Variants in GRM5 observed in about 807,000 individuals in gnomAD.
GRM5 encodes metabotropic glutamate receptor 5.
A neutral mutation model predicts 83.1 loss-of-function variants in GRM5; 19 were observed. That is an observed-to-expected ratio of 0.23 (90% CI 0.16 to 0.34). The LOEUF is 0.34. Ranked by LOEUF, GRM5 falls within the 10% of genes least tolerant of loss-of-function variation. The pLI is 1.00. For synonymous variants in GRM5, 675 were observed against 633.6 expected, an observed-to-expected ratio of 1.07 and a Z score of -0.98; for missense variants, 1,160 against 1,588.3, an observed-to-expected ratio of 0.73 and a Z score of 4.58.
chr11:89,020,675 T>C (rs761250526), intron 2 of GRM5, among the ~76,000 whole-genome samples: 11 of 152,236 alleles, frequency 7.2e-5, no homozygotes, highest in Non-Finnish European at 1.6e-4. Context: ...TTCATGCCTA[T>C]CTGGTTTTTG....
intron 2 of GRM5, among the ~76,000 whole-genome samples, chr11:89,022,117 ACATTTT>A (rs1213227060): frequency 6.6e-6 from 1 of 152,194 alleles, no homozygotes; most frequent in Non-Finnish European, 1.5e-5. Flanking sequence ...TATTCCATTT[ACATTTT>A]AACTAAACAC....
intron 2 of GRM5, among the ~76,000 whole-genome samples, chr11:88,888,073 C>T (rs138490074): frequency 0.019 from 2,834 of 152,256 alleles, 119 homozygotes; most frequent in Admixed American, 0.11. Context: ...ATTCCATCAC[C>T]TTCTCACTTA....
intron 3 of GRM5, among the ~76,000 whole-genome samples, chr11:88,848,262 C>T (rs1944331226): frequency 6.6e-6 from 1 of 152,128 alleles, no homozygotes; most frequent in Non-Finnish European, 1.5e-5. Context: ...AGGAATCTCA[C>T]TCAATATCAT....
At chr11:88,848,945 C>A (rs989860926) in intron 3 of GRM5, among the ~76,000 whole-genome samples, 1 of 152,154 alleles carries the variant, frequency 6.6e-6, no homozygotes, top group East Asian at 1.9e-4. Context: ...ATGAGATGGA[C>A]ATCGGTCTTT....
In GRM5 at chr11:88,994,623, A is replaced by AC. The variant is rs1169289714; in HGVS notation, c.661+52588_661+52589insG. ...TAAAGCATTACAGAAAAAAAAAAAA[A>AC]AAAACAGTAAAACACTTTGTTGGTG... is the stretch of plus-strand genomic sequence containing the variant. On this transcript the variant is annotated intron_variant, in intron 2 of 9. Transcript: ENST00000305447. 1.1e-3 allele frequency among the ~76,000 whole-genome samples: 171 copies of AC among 149,278 alleles called. 1 individual carries two copies. The highest frequency in any genetic ancestry group is 5.7e-3 in the East Asian group (29 of 5,128).
intron 2 of GRM5, among the ~76,000 whole-genome samples, chr11:88,938,038 G>T (rs1386511270): frequency 6.6e-6 from 1 of 151,672 alleles, no homozygotes; most frequent in Non-Finnish European, 1.5e-5. Flanking sequence ...TATAAGATTA[G>T]ATCTTAAATA....
intron 3 of GRM5, among the ~76,000 whole-genome samples, chr11:88,708,230 T>C (rs908857600): frequency 6.6e-6 from 1 of 152,026 alleles, no homozygotes; most frequent in Non-Finnish European, 1.5e-5. Context: ...GCTCCCCTTT[T>C]ATTGCAAAAA....
intron 3 of GRM5, among the ~76,000 whole-genome samples, chr11:88,799,805 T>G (rs954728487): frequency 6.6e-6 from 1 of 152,114 alleles, no homozygotes; most frequent in African/African-American, 2.4e-5. Context: ...CCTACAGAAA[T>G]GAAAATGGCA....
At chr11:88,585,691 G>A (rs894866350) in intron 7 of GRM5, among the ~76,000 whole-genome samples, 1 of 152,074 alleles carries the variant, frequency 6.6e-6, no homozygotes, top group African/African-American at 2.4e-5. Context: ...AGCTTTTACT[G>A]TTATGGGCTC....
chr11:88,586,421 T>C (rs970566153), intron 7 of GRM5, among the ~76,000 whole-genome samples: 4 of 152,186 alleles, frequency 2.6e-5, no homozygotes, highest in African/African-American at 9.6e-5. Context: ...CTGCAAACAG[T>C]TCCTGTCACA....
chr11:88,952,262 G>A (rs1793905157), intron 2 of GRM5, among the ~76,000 whole-genome samples: 1 of 152,048 alleles, frequency 6.6e-6, no homozygotes, highest in Non-Finnish European at 1.5e-5. Flanking sequence ...ACATCTTTCA[G>A]GTTTCCTCAC....
intron 1 of GRM5, among the ~76,000 whole-genome samples, chr11:89,054,632 A>C (rs11018444): frequency 0.65 from 98,757 of 151,800 alleles, 36,239 homozygotes; most frequent in Non-Finnish European, 0.82. Flanking sequence ...GTTGTGCCCC[A>C]GGGAATTCCA....
intron 2 of GRM5, among the ~76,000 whole-genome samples, chr11:89,023,581 C>T (rs1941044641): frequency 6.6e-6 from 1 of 152,100 alleles, no homozygotes; most frequent in Non-Finnish European, 1.5e-5. Flanking sequence ...GGCTGTGGCT[C>T]ACGCCTGTAA....
At position 88,872,441 on chromosome 11, in the gene GRM5, T is replaced by C. The variant is rs369604958; in HGVS notation, c.662-22286A>G. ...GCAATTATTTCTCCTTCAAGACCTT[T>C]ATATTTTTATATATTAGCTATTATT... On this transcript the variant is annotated intron_variant, in intron 2 of 9. Coordinates refer to ENST00000305447, the MANE Select transcript of GRM5 (RefSeq NM_001143831.3). Among the ~76,000 whole-genome samples, 11 of 151,684 alleles carry C rather than the reference T, an allele frequency of 7.3e-5. No homozygotes were observed. The East Asian group carries it at 1.7e-3, about 24-fold the overall frequency.
At chr11:88,769,228 G>A (rs945922916) in intron 3 of GRM5, among the ~76,000 whole-genome samples, 2 of 152,020 alleles carry the variant, frequency 1.3e-5, no homozygotes, top group African/African-American at 4.8e-5. Context: ...GTGAGGAGAT[G>A]AGATTGATCC....
chr11:88,918,860 A>T (rs1248179876), intron 2 of GRM5, among the ~76,000 whole-genome samples: 1 of 151,744 alleles, frequency 6.6e-6, no homozygotes, highest in Non-Finnish European at 1.5e-5. Flanking sequence ...GCCTCATGGT[A>T]ACCTCAAATC....
At chr11:88,990,857 A>G (rs370969492) in intron 2 of GRM5, among the ~76,000 whole-genome samples, 111 of 151,702 alleles carry the variant, frequency 7.3e-4, no homozygotes, top group Middle Eastern at 3.4e-3. Context: ...TTGATGGGAC[A>G]TATTTCAAAA....
In GRM5 at chr11:88,587,494, A is replaced by G. The variant is rs139394076; in HGVS notation, c.1690+3107T>C. Among the ~76,000 whole-genome samples the G allele has an allele frequency of 7.3e-3, 1,116 of 152,292 alleles. 11 individuals are homozygous for G. The highest frequency in any genetic ancestry group is 0.026 in the African/African-American group (1,078 of 41,556). ...GGAAAGAGGACATTTTGTATGTCATATTGAAAGCTTGGAATATATCATACA... is the reference window on the plus strand; with the variant it reads ...GGAAAGAGGACATTTTGTATGTCATGTTGAAAGCTTGGAATATATCATACA... On this transcript the variant is annotated intron_variant, in intron 7 of 9. Coordinates refer to ENST00000305447, the MANE Select transcript of GRM5 (RefSeq NM_001143831.3).
chr11:88,837,569 C>T (rs577831248), intron 3 of GRM5, among the ~76,000 whole-genome samples: 6 of 152,280 alleles, frequency 3.9e-5, no homozygotes, highest in East Asian at 3.9e-4. Context: ...AAGCCACCAG[C>T]GCACTTTGAG....
Sources: allele counts gnomAD v4.1 joint callset (sites outside exome capture counted in the v4.1 genomes callset), GRCh38; gene constraint gnomAD v4.1.1; transcripts MANE v1.5; gene names NCBI Gene and HGNC (gene_info 2026-07-23, HGNC 2026-07-21).